LRP2BP: variants seen among roughly 807,000 people sequenced by gnomAD.
LRP2BP encodes LRP2 binding protein.
A neutral mutation model predicts 45.2 loss-of-function variants in LRP2BP; 38 were observed. That is an observed-to-expected ratio of 0.84 (90% CI 0.65 to 1.10). The LOEUF is 1.10. Ranked by LOEUF, LRP2BP falls within the 50% of genes least tolerant of loss-of-function variation. The probability of loss-of-function intolerance (pLI) is 0.00; values close to 1 mark genes in which losing one functional copy is unlikely to be tolerated. For synonymous variants in LRP2BP, 153 were observed against 153.9 expected (o/e 0.99, Z 0.04); for missense variants, 385 against 418.9 (o/e 0.92, Z 0.71).
At position 185,370,795 on chromosome 4, in the gene LRP2BP, C is replaced by A. The variant is rs201180140; in HGVS notation, c.823G>T (p.Val275Phe). The A allele has an allele frequency of 1.2e-6, 2 of 1,614,086 alleles. No homozygotes were observed. Among genetic ancestry groups the A allele is most frequent in the Admixed American group, 3.3e-5 (2 of 60,016 alleles). ...TGGGCGATCATGGGGATGTCGTGAA[C>A]CTCATCATAGTCAGCGATCCTGAGA... ...FSKRIADYDE[V>F]HDIPMIAQVT... Residue 275 changes from valine to phenylalanine, a missense_variant, in exon 8 of 9, where the codon GTT becomes TTT. Coordinates refer to ENST00000505916, the MANE Select transcript of LRP2BP (RefSeq NM_001377440.1).
chr4:185,384,007 A>C (rs1470031680), intron 1 of LRP2BP, among the ~76,000 whole-genome samples: 1 of 152,150 alleles, frequency 6.6e-6, no homozygotes, highest in Non-Finnish European at 1.5e-5. Flanking sequence ...CATGAGTACA[A>C]CTATATGCTG....
chr4:185,387,376 A>G (rs1272120549), intron 1 of LRP2BP, among the ~76,000 whole-genome samples: 3 of 152,258 alleles, frequency 2.0e-5, no homozygotes, highest in Non-Finnish European at 4.4e-5. Context: ...CAAATAACAT[A>G]TAACACATGT....
At chr4:185,378,366 C>G in intron 1 of LRP2BP, 159 bp from the exon 2 acceptor site, 5 of 1,417,408 alleles carry the variant, frequency 3.5e-6, no homozygotes, top group Non-Finnish European at 4.6e-6. Flanking sequence ...ACATTCTTTA[C>G]TAGGACACCA....
intron 6 of LRP2BP, among the ~76,000 whole-genome samples, chr4:185,373,881 CTG>C (rs1305093909): frequency 1.3e-5 from 2 of 152,176 alleles, no homozygotes; most frequent in Non-Finnish European, 2.9e-5. Context: ...AATTTCAGGA[CTG>C]TTTCTCTTCT....
Position 185,378,132 on chromosome 4 carries a change from G to A in LRP2BP, c.55C>T (p.Gln19Ter), listed in dbSNP as rs2095444315. Reference protein sequence around the residue: ...PKNPFYASVSQYAAKNQKFFQ... With the variant: ...PKNPFYASVS Reference sequence around the variant, plus strand: ...AATTTTTGGTTTTTAGCAGCATACTGAGATACAGAGGCATAAAAGGGGTTC... The same window carrying A: ...AATTTTTGGTTTTTAGCAGCATACTAAGATACAGAGGCATAAAAGGGGTTC... Residue 19 changes from glutamine (Q) to a stop codon, truncating the protein, a stop_gained, in exon 2 of 9, where the codon CAG (glutamine) becomes TAG (stop). Transcript: ENST00000505916. LOFTEE classifies it high-confidence loss of function. 1.2e-6 allele frequency: 2 copies of A among 1,613,920 alleles called. No individual in the cohort carries two copies. The highest frequency in any genetic ancestry group is 1.7e-5 in the Admixed American group (1 of 59,980).
chr4:185,372,899 A>C lies in LRP2BP; in HGVS notation c.760T>G (p.Tyr254Asp). The C allele has an allele frequency of 1.2e-6, 2 of 1,612,216 alleles. No individual in the cohort carries two copies. Among genetic ancestry groups the C allele is most frequent in the Non-Finnish European group, 1.7e-6 (2 of 1,178,350 alleles). The change falls in exon 7 of 9, where the codon TAT (tyrosine) becomes GAT (aspartate). Residue 254 changes from tyrosine to aspartate, a missense_variant. Tyr to Asp is a radical substitution (Grantham distance 160, BLOSUM62 -3). Coordinates refer to ENST00000505916, the MANE Select transcript of LRP2BP (RefSeq NM_001377440.1). ...CACTTTGTAAAAAATTTCATCTTAT[A>C]GTAATACTCCACGAGATTCCCTTGA... ...YAQGNLVEYYYKMKFFTKCVA... is the reference protein window; with the variant it reads ...YAQGNLVEYYDKMKFFTKCVA...
At chr4:185,371,627 G>A (rs2095416425) in intron 7 of LRP2BP, among the ~76,000 whole-genome samples, 1 of 151,422 alleles carries the variant, frequency 6.6e-6, no homozygotes, top group Non-Finnish European at 1.5e-5. Context: ...GTGAGAATGT[G>A]ATCCAGTCAA....
At chr4:185,390,847 A>C (rs2095486541) in intron 1 of LRP2BP, 1 of 152,346 alleles carries the variant, frequency 6.6e-6, no homozygotes, top group Admixed American at 6.5e-5. Context: ...GAAAAGCTGC[A>C]AGGATACCAC....
chr4:185,393,874 G>A (rs2095494863), intron 1 of LRP2BP, among the ~76,000 whole-genome samples: 1 of 152,050 alleles, frequency 6.6e-6, no homozygotes, highest in South Asian at 2.1e-4. Context: ...TTAGTATTGC[G>A]GGAGATTCAA....
chr4:185,384,053 A>T (rs2095463222), intron 1 of LRP2BP, among the ~76,000 whole-genome samples: 1 of 152,176 alleles, frequency 6.6e-6, no homozygotes, highest in Admixed American at 6.5e-5. Context: ...CTATGCTTAG[A>T]GTGTGTGTCC....
intron 2 of LRP2BP, chr4:185,377,417 C>G: frequency 6.0e-6 from 1 of 166,864 alleles, no homozygotes; most frequent in Non-Finnish European, 1.3e-5. Flanking sequence ...ACTCGGGAGA[C>G]TCAGGCAGGA....
At chr4:185,373,202 C>T (rs902504474) in intron 6 of LRP2BP, 123 bp from the exon 7 acceptor site, 2 of 907,544 alleles carry the variant, frequency 2.2e-6, no homozygotes, top group Admixed American at 2.6e-5. Context: ...TAGGAAAGAG[C>T]GGTAGGCCTT....
In LRP2BP at chr4:185,395,711, C is replaced by A. The variant is rs2095500315; in HGVS notation, c.-954G>T. Reference sequence around the variant, plus strand: ...GCGATTGCAAATTTTATGGCTCTTACTACAAAACAAAAAGTAGAATGAAAA... The same window carrying A: ...GCGATTGCAAATTTTATGGCTCTTAATACAAAACAAAAAGTAGAATGAAAA... On this transcript the variant is annotated 5_prime_UTR_variant, in exon 1 of 9. An upstream open reading frame in the 5' UTR loses its in-frame stop. Coordinates refer to ENST00000505916, the MANE Select transcript of LRP2BP (RefSeq NM_001377440.1). 2 of 985,320 alleles carry A rather than the reference C, an allele frequency of 2.0e-6. No individual in the cohort carries two copies. Among genetic ancestry groups the A allele is most frequent in the Non-Finnish European group, 2.4e-6 (2 of 829,910 alleles). The allele number at this position is 985,320 out of a possible 1,614,324, so 61.0% of individuals were successfully genotyped here.
chr4:185,392,239 T>G (rs2095490085), intron 1 of LRP2BP, among the ~76,000 whole-genome samples: 1 of 152,236 alleles, frequency 6.6e-6, no homozygotes, highest in African/African-American at 2.4e-5. Context: ...CTCCAAGTTC[T>G]TATCACAACA....
At chr4:185,391,798 T>C (rs1278051274) in intron 1 of LRP2BP, among the ~76,000 whole-genome samples, 1 of 152,194 alleles carries the variant, frequency 6.6e-6, no homozygotes, top group African/African-American at 2.4e-5. Flanking sequence ...GAGAATGGTA[T>C]TAGAAACCCG....
At chr4:185,376,823 C>G in intron 3 of LRP2BP, 86 bp downstream of exon 3, 1 of 880,360 alleles carries the variant, frequency 1.1e-6, no homozygotes, top group East Asian at 2.6e-5. Flanking sequence ...TAGTATAACA[C>G]AGTAAGAAAC....
chr4:185,396,920 G>A (rs1454537381), upstream of LRP2BP: 6 of 1,613,600 alleles, frequency 3.7e-6, no homozygotes, highest in East Asian at 1.3e-4. Context: ...GCCTTAGGCG[G>A]GAAATGCTGT....
rs1554016245 is a variant in LRP2BP at position 185,366,727 on chromosome 4, GAAAC to G, written c.*449_*452del. ...CTGAAAATTTAAATTTTAAATGACT[GAAAC>G]AAAATTTAAACATTATTATTCAAAA... On this transcript the variant is annotated 3_prime_UTR_variant, in exon 9 of 9. Coordinates refer to ENST00000505916, the MANE Select transcript of LRP2BP (RefSeq NM_001377440.1). The G allele has an allele frequency of 1.3e-5, 2 of 151,952 alleles. No homozygotes were observed. The highest frequency in any genetic ancestry group is 2.9e-5 in the Non-Finnish European group (2 of 68,004). 9.4% of individuals were successfully genotyped at this position (151,952 alleles called of 1,614,324 possible).
Position 185,395,242 on chromosome 4 carries a change from G to C in LRP2BP, c.-485C>G. On this transcript the variant is annotated 5_prime_UTR_variant, in exon 1 of 9. Transcript: ENST00000505916. ...ACTACCACTTAATGCATACTGAACA[G>C]AATCTTGTTTCAAAGAAAAGATATG... 1 of 985,400 alleles carries C rather than the reference G, an allele frequency of 1.0e-6. No individual in the cohort carries two copies. The highest frequency in any genetic ancestry group is 1.2e-6 in the Non-Finnish European group (1 of 829,912). The allele number at this position is 985,400 out of a possible 1,614,324, so 61.0% of individuals were successfully genotyped here. A position where few individuals can be genotyped will look rare whatever the true frequency, so the allele number is the denominator to read the frequency against.
Sources: gnomAD v4.1 joint callset for allele counts (sites outside exome capture counted in the v4.1 genomes callset) on GRCh38, gnomAD v4.1.1 for gene constraint, MANE v1.5 for transcripts, NCBI Gene and HGNC (gene_info 2026-07-23, HGNC 2026-07-21) for gene names.